Variants in ARL15 observed in about 807,000 individuals in gnomAD.
The protein encoded by ARL15 is ADP-ribosylation factor-like protein 15.
Under a neutral mutation model 25.2 loss-of-function variants are expected in ARL15, and 19 were observed. The ratio of observed to expected loss-of-function variants is 0.75; its 90% confidence interval spans 0.53 to 1.10. The LOEUF (loss-of-function observed/expected upper bound fraction) is 1.10, where lower values mean the gene tolerates loss of function less well. Among genes scored for constraint, ARL15 ranks in the 50% least tolerant of loss-of-function variants. The probability of loss-of-function intolerance (pLI) is 0.00; values close to 1 mark genes in which losing one functional copy is unlikely to be tolerated. For missense variants in ARL15, 220 were observed against 246.0 expected (o/e 0.89, Z 0.71); for synonymous variants, 94 against 86.8 (o/e 1.08, Z -0.46).
At chr5:53,931,203 A>G (rs1746186832) in intron 4 of ARL15, among the ~76,000 whole-genome samples, 1 of 152,140 alleles carries the variant, frequency 6.6e-6, no homozygotes, top group Admixed American at 6.6e-5. Context: ...AGGGAAAAAA[A>G]TCTCAATTTC....
At chr5:53,904,853 G>C (rs1745189445) in intron 4 of ARL15, among the ~76,000 whole-genome samples, 1 of 147,498 alleles carries the variant, frequency 6.8e-6, no homozygotes, top group Non-Finnish European at 1.5e-5. Context: ...TCATCCTCCT[G>C]AGTAGCTGGG....
intron 2 of ARL15, among the ~76,000 whole-genome samples, chr5:54,161,470 G>A (rs900687853): frequency 2.6e-5 from 4 of 152,084 alleles, no homozygotes; most frequent in South Asian, 2.1e-4. Flanking sequence ...GCACTGACTC[G>A]TCTCATAAAG....
intron 4 of ARL15, among the ~76,000 whole-genome samples, chr5:53,906,523 GAACT>G (rs1745254618): frequency 6.6e-6 from 1 of 152,130 alleles, no homozygotes; most frequent in Non-Finnish European, 1.5e-5. Flanking sequence ...GAAGTGAACT[GAACT>G]AACTATTCTC....
chr5:54,028,527 C>A lies in ARL15; in HGVS notation c.462+84675G>T, dbSNP rs932850638. On this transcript the variant is annotated intron_variant, in intron 4 of 4. Coordinates refer to ENST00000504924, the MANE Select transcript of ARL15 (RefSeq NM_019087.3). ...TTAGTAAATTAAAAAAAAAAAAAAA[C>A]CACAACTGAATGCAATAACATTTTC... is the stretch of plus-strand genomic sequence containing the variant. 3.7e-4 allele frequency among the ~76,000 whole-genome samples: 53 copies of A among 142,490 alleles called. 1 individual carries two copies. The highest frequency in any genetic ancestry group is 2.5e-3 in the South Asian group (11 of 4,398). 93.5% of individuals were successfully genotyped at this position (142,490 alleles called of 152,430 possible). A position where few individuals can be genotyped will look rare whatever the true frequency, so the allele number is the denominator to read the frequency against.
chr5:54,118,838 G>A (rs1752987750), intron 3 of ARL15, among the ~76,000 whole-genome samples: 1 of 152,138 alleles, frequency 6.6e-6, no homozygotes, highest in Non-Finnish European at 1.5e-5. Flanking sequence ...ATGCCTCCCA[G>A]GAGATTCCAA....
intron 1 of ARL15, among the ~76,000 whole-genome samples, chr5:54,209,906 C>A (rs1755988319): frequency 6.6e-6 from 1 of 152,084 alleles, no homozygotes; most frequent in Non-Finnish European, 1.5e-5. Context: ...TCTTACATGG[C>A]AACTTTCTCT....
At position 54,171,708 on chromosome 5, in the gene ARL15, G is replaced by A; in HGVS notation, c.193+76C>T. On this transcript the variant is annotated intron_variant, in intron 2 of 4. Coordinates refer to ENST00000504924, the MANE Select transcript of ARL15 (RefSeq NM_019087.3). ...GCATTAAACTATAAGTAGAAGGGAG[G>A]GGATAAATTGCACAGGAAACTAGGA... is the stretch of plus-strand genomic sequence containing the variant. 3 of 1,460,152 alleles carry A rather than the reference G, an allele frequency of 2.1e-6. No individual in the cohort carries two copies. The South Asian group carries it at 4.1e-5, about 20-fold the overall frequency. The allele number at this position is 1,460,152 out of a possible 1,614,324, so 90.4% of individuals were successfully genotyped here.
At chr5:54,001,546 A>T (rs1400217653) in intron 4 of ARL15, among the ~76,000 whole-genome samples, 1 of 152,246 alleles carries the variant, frequency 6.6e-6, no homozygotes, top group Non-Finnish European at 1.5e-5. Context: ...GCTTGTAAAG[A>T]AACAACATTT....
intron 1 of ARL15, among the ~76,000 whole-genome samples, chr5:54,190,856 G>A (rs1755378372): frequency 6.6e-6 from 1 of 152,144 alleles, no homozygotes; most frequent in South Asian, 2.1e-4. Flanking sequence ...ACACTGTTGG[G>A]AAGAATGTAA....
intron 1 of ARL15, among the ~76,000 whole-genome samples, chr5:54,217,030 C>T (rs1756227612): frequency 6.6e-6 from 1 of 151,990 alleles, no homozygotes; most frequent in African/African-American, 2.4e-5. Context: ...AATCATTTTA[C>T]AATTCTAGAT....
At chr5:54,273,849 C>G (rs1757853580) in intron 1 of ARL15, among the ~76,000 whole-genome samples, 1 of 152,132 alleles carries the variant, frequency 6.6e-6, no homozygotes, top group Admixed American at 6.5e-5. Context: ...GGGAGGGGAA[C>G]AGAGAGACTA....
intron 1 of ARL15, among the ~76,000 whole-genome samples, chr5:54,181,429 T>C (rs1755052888): frequency 6.6e-6 from 1 of 152,338 alleles, no homozygotes; most frequent in Non-Finnish European, 1.5e-5. Context: ...ACTATTTTTT[T>C]CCTAAAGAGC....
In ARL15 at chr5:53,885,214, T is replaced by A. The variant is rs1054295428; in HGVS notation, c.*1347A>T. On this transcript the variant is annotated 3_prime_UTR_variant, in exon 5 of 5. Transcript: ENST00000504924. Reference sequence around the variant, plus strand: ...TTTTACACTCATGTGCAGGGAGCAGTTTTTTTTATCATTTGGCCACTTAGT... The same window carrying A: ...TTTTACACTCATGTGCAGGGAGCAGATTTTTTTATCATTTGGCCACTTAGT... The A allele has an allele frequency of 1.6e-5, 2 of 125,482 alleles. No individual in the cohort carries two copies. Among genetic ancestry groups the A allele is most frequent in the African/African-American group, 2.6e-5 (1 of 38,028 alleles). The allele number at this position is 125,482 out of a possible 1,614,324, so 7.8% of individuals were successfully genotyped here. A position where few individuals can be genotyped will look rare whatever the true frequency, so the allele number is the denominator to read the frequency against.
intron 4 of ARL15, among the ~76,000 whole-genome samples, chr5:54,032,886 A>G (rs1750036448): frequency 1.3e-5 from 2 of 152,136 alleles, no homozygotes; most frequent in Non-Finnish European, 2.9e-5. Flanking sequence ...TCCTGGATTA[A>G]CAGGCCACCT....
At chr5:54,059,508 G>C (rs1252951578) in intron 4 of ARL15, among the ~76,000 whole-genome samples, 2 of 152,174 alleles carry the variant, frequency 1.3e-5, no homozygotes, top group Non-Finnish European at 2.9e-5. Context: ...AGAAGACCAG[G>C]ATGCACTGGT....
At chr5:54,288,403 C>T (rs1006892464) in intron 1 of ARL15, among the ~76,000 whole-genome samples, 1 of 152,196 alleles carries the variant, frequency 6.6e-6, no homozygotes, top group Admixed American at 6.5e-5. Flanking sequence ...GGACCATAAG[C>T]TTAAAGTCTA....
At chr5:54,068,291 G>C (rs1443239750) in intron 4 of ARL15, among the ~76,000 whole-genome samples, 2 of 152,132 alleles carry the variant, frequency 1.3e-5, no homozygotes, top group Non-Finnish European at 2.9e-5. Context: ...AGCTAAGTAA[G>C]ACCCAATCAG....
At chr5:53,901,320 A>G (rs1745058168) in intron 4 of ARL15, among the ~76,000 whole-genome samples, 1 of 152,140 alleles carries the variant, frequency 6.6e-6, no homozygotes, top group Non-Finnish European at 1.5e-5. Flanking sequence ...AAGAAAGCAA[A>G]TATTGTAAGT....
intron 4 of ARL15, among the ~76,000 whole-genome samples, chr5:54,033,453 A>T (rs1750061133): frequency 6.6e-6 from 1 of 152,108 alleles, no homozygotes; most frequent in South Asian, 2.1e-4. Flanking sequence ...GTGGATCATG[A>T]GGTCAAGAGT....
Sources: allele counts gnomAD v4.1 joint callset (sites outside exome capture counted in the v4.1 genomes callset), GRCh38; gene constraint gnomAD v4.1.1; transcripts MANE v1.5; gene names NCBI Gene and HGNC (gene_info 2026-07-23, HGNC 2026-07-21).